Variants in KSR2 observed in about 807,000 individuals in gnomAD.
KSR2 encodes kinase suppressor of ras 2.
A neutral mutation model predicts 107.8 loss-of-function variants in KSR2; 25 were observed. The ratio of observed to expected loss-of-function variants is 0.23; its 90% CI spans 0.17 to 0.32. The LOEUF (loss-of-function observed/expected upper bound fraction) is 0.32, where lower values mean the gene tolerates loss of function less well. Ranked by LOEUF, KSR2 falls within the 10% of genes least tolerant of loss-of-function variation. The pLI is 1.00. For synonymous variants in KSR2, 480 were observed against 507.0 expected, an observed-to-expected ratio of 0.95 and a Z score of 0.71; for missense variants, 887 against 1,268.9, an observed-to-expected ratio of 0.70 and a Z score of 4.57.
chr12:117,694,695 T>A (rs558110955), intron 4 of KSR2, among the ~76,000 whole-genome samples: 7 of 152,224 alleles, frequency 4.6e-5, no homozygotes, highest in Admixed American at 3.3e-4. Context: ...GATGAATGGA[T>A]GAACAAAATG....
intron 4 of KSR2, among the ~76,000 whole-genome samples, chr12:117,708,251 T>G (rs117162539): frequency 0.026 from 4,013 of 152,272 alleles, 103 homozygotes; most frequent in South Asian, 0.063. Flanking sequence ...TAACTGAAAC[T>G]GTTAAGTCAG....
intron 5 of KSR2, among the ~76,000 whole-genome samples, chr12:117,637,674 G>GGTTTTTT (rs1883163690): frequency 2.7e-5 from 1 of 37,380 alleles, no homozygotes; most frequent in Non-Finnish European, 4.6e-5. Flanking sequence ...GTCAGTTTTG[G>GGTTTTTT]GTTTTTTTTT....
intron 5 of KSR2, among the ~76,000 whole-genome samples, chr12:117,593,976 T>C (rs1166597154): frequency 1.3e-5 from 2 of 152,224 alleles, no homozygotes; most frequent in Non-Finnish European, 2.9e-5. Flanking sequence ...TCCACAGCAC[T>C]TGCCTGCCTG....
chr12:117,786,572 T>C (rs1051585328), intron 3 of KSR2, among the ~76,000 whole-genome samples: 1 of 152,166 alleles, frequency 6.6e-6, no homozygotes, highest in African/African-American at 2.4e-5. Flanking sequence ...TCCCAGCACT[T>C]TGGGAGGCCG....
At chr12:117,707,364 T>C (rs1886568587) in intron 4 of KSR2, among the ~76,000 whole-genome samples, 1 of 152,200 alleles carries the variant, frequency 6.6e-6, no homozygotes, top group Non-Finnish European at 1.5e-5. Context: ...GAAAAAACCA[T>C]TGAATTCTAT....
intron 1 of KSR2, among the ~76,000 whole-genome samples, chr12:117,914,532 T>C (rs1895120547): frequency 1.3e-5 from 2 of 152,236 alleles, no homozygotes; most frequent in Middle Eastern, 6.8e-3. Flanking sequence ...TGGTTTTATC[T>C]GTCATAATCA....
At chr12:117,514,603 G>A (rs1874247490) in intron 14 of KSR2, among the ~76,000 whole-genome samples, 1 of 148,962 alleles carries the variant, frequency 6.7e-6, no homozygotes, top group Admixed American at 6.7e-5. Flanking sequence ...GGAGTGCAGT[G>A]GTATGATCAT....
At chr12:117,721,193 C>T (rs757961595) in intron 4 of KSR2, among the ~76,000 whole-genome samples, 3 of 152,248 alleles carry the variant, frequency 2.0e-5, no homozygotes, top group Admixed American at 6.5e-5. Flanking sequence ...CTGGAAATAA[C>T]GGAAATCTTT....
chr12:117,767,653 C>G (rs1315859526), intron 3 of KSR2, among the ~76,000 whole-genome samples: 1 of 148,762 alleles, frequency 6.7e-6, no homozygotes, highest in South Asian at 2.1e-4. Flanking sequence ...GCTGTGGTGA[C>G]CCACGCGTGT....
At chr12:117,568,841 C>T (rs1001350667) in intron 7 of KSR2, among the ~76,000 whole-genome samples, 1 of 152,082 alleles carries the variant, frequency 6.6e-6, no homozygotes, top group Non-Finnish European at 1.5e-5. Flanking sequence ...GGTAAAAACG[C>T]ATATATAGGA....
Position 117,466,804 on chromosome 12 carries a change from T to C in KSR2, c.*395A>G, listed in dbSNP as rs1295036156. 2.1e-5 allele frequency: 4 copies of C among 194,622 alleles called. No individual in the cohort carries two copies. The highest frequency in any genetic ancestry group is 1.9e-4 in the South Asian group (1 of 5,138). 12.1% of individuals were successfully genotyped at this position (194,622 alleles called of 1,614,324 possible). On this transcript the variant is annotated 3_prime_UTR_variant, in exon 20 of 20. Transcript: ENST00000339824. The stretch of plus-strand genomic sequence containing the variant: ...CTTGCTTGTCAAGGGGAAACAAGAG[T>C]GAACAACGTCAAACACACAGACACA...
At chr12:117,785,414 C>CAAAAA (rs374881532) in intron 3 of KSR2, among the ~76,000 whole-genome samples, 816 of 37,404 alleles carry the variant, frequency 0.022, 203 homozygotes, top group Non-Finnish European at 0.04. Context: ...GACTCCATCT[C>CAAAAA]AAAAAAAAAA....
chr12:117,787,029 C>CA lies in KSR2; in HGVS notation c.473-25506dup, dbSNP rs35140043. On this transcript the variant is annotated intron_variant, in intron 3 of 19. Transcript: ENST00000339824. Reference sequence around the variant, plus strand: ...GGGTAACAAGAGCAAAACTCCATCTCAAAAAAAAAAAAAATTATGTATATC... The same window carrying CA: ...GGGTAACAAGAGCAAAACTCCATCTCAAAAAAAAAAAAAAATTATGTATATC... 5.9e-3 allele frequency among the ~76,000 whole-genome samples: 863 copies of CA among 146,150 alleles called. 21 individuals are homozygous for CA. In the South Asian group the frequency reaches 0.077, roughly 13 times the overall value.
At chr12:117,874,377 C>T (rs371388512) in intron 1 of KSR2, among the ~76,000 whole-genome samples, 3 of 152,040 alleles carry the variant, frequency 2.0e-5, no homozygotes, top group African/African-American at 7.2e-5. Flanking sequence ...GGACCACAAG[C>T]GTGTGTCACC....
intron 3 of KSR2, among the ~76,000 whole-genome samples, chr12:117,773,714 G>C (rs1889587834): frequency 6.6e-6 from 1 of 152,174 alleles, no homozygotes; most frequent in South Asian, 2.1e-4. Context: ...TGAAGTCATT[G>C]GTAGAAGAAA....
At chr12:117,659,739 T>C (rs1446974077) in intron 5 of KSR2, among the ~76,000 whole-genome samples, 1 of 152,234 alleles carries the variant, frequency 6.6e-6, no homozygotes, top group Non-Finnish European at 1.5e-5. Context: ...TTTCCAGCTC[T>C]GACATCTATC....
At chr12:117,803,540 A>C (rs1202816720) in intron 3 of KSR2, among the ~76,000 whole-genome samples, 1 of 152,044 alleles carries the variant, frequency 6.6e-6, no homozygotes, top group Non-Finnish European at 1.5e-5. Flanking sequence ...GTCTCTACTA[A>C]AAATACAAAA....
intron 16 of KSR2, among the ~76,000 whole-genome samples, chr12:117,478,580 G>A (rs1047735716): frequency 1.3e-5 from 2 of 152,016 alleles, no homozygotes; most frequent in Admixed American, 6.5e-5. Flanking sequence ...GATTACAGGC[G>A]TGAGCAACCG....
At chr12:117,624,474 C>T (rs569986509) in intron 5 of KSR2, among the ~76,000 whole-genome samples, 4 of 152,250 alleles carry the variant, frequency 2.6e-5, no homozygotes, top group Admixed American at 6.5e-5. Flanking sequence ...TTATTAAGTA[C>T]GGAATACTTT....
Sources: gnomAD v4.1 joint callset for allele counts (sites outside exome capture counted in the v4.1 genomes callset) on GRCh38, gnomAD v4.1.1 for gene constraint, MANE v1.5 for transcripts, NCBI Gene and HGNC (gene_info 2026-07-23, HGNC 2026-07-21) for gene names.